Variants in LRRTM4 observed in about 807,000 individuals in gnomAD.
The protein encoded by LRRTM4 is leucine-rich repeat transmembrane neuronal protein 4.
Under a neutral mutation model 47.6 loss-of-function variants are expected in LRRTM4, and 25 were observed. That is an observed-to-expected ratio of 0.53 (90% CI 0.38 to 0.73). The LOEUF (loss-of-function observed/expected upper bound fraction) is 0.73. Among genes scored for constraint, LRRTM4 ranks in the 30% least tolerant of loss-of-function variants. LRRTM4 has a pLI of 0.00. For synonymous variants in LRRTM4, 311 were observed against 269.5 expected, an observed-to-expected ratio of 1.15 and a Z score of -1.51; for missense variants, 638 against 713.4, an observed-to-expected ratio of 0.89 and a Z score of 1.20.
chr2:77,381,970 G>A (rs1309479038), intron 3 of LRRTM4, among the ~76,000 whole-genome samples: 1 of 151,768 alleles, frequency 6.6e-6, no homozygotes, highest in Non-Finnish European at 1.5e-5. Flanking sequence ...TTTTCAATTG[G>A]GATATTAATA....
intron 3 of LRRTM4, among the ~76,000 whole-genome samples, chr2:77,379,983 G>C (rs1672989402): frequency 6.6e-6 from 1 of 151,982 alleles, no homozygotes. Flanking sequence ...CAATAAGAAG[G>C]CATATGTAGC....
intron 3 of LRRTM4, among the ~76,000 whole-genome samples, chr2:76,794,643 T>A (rs1675168325): frequency 6.6e-6 from 1 of 152,200 alleles, no homozygotes; most frequent in Admixed American, 6.5e-5. Flanking sequence ...TCCTAGTATT[T>A]ACATTTTTTT....
At chr2:76,802,663 C>T (rs1156583094) in intron 3 of LRRTM4, among the ~76,000 whole-genome samples, 1 of 151,946 alleles carries the variant, frequency 6.6e-6, no homozygotes, top group South Asian at 2.1e-4. Context: ...ATATCTTGGT[C>T]CAAAAGAACA....
intron 3 of LRRTM4, among the ~76,000 whole-genome samples, chr2:77,177,016 A>C (rs1673216423): frequency 6.6e-6 from 1 of 152,186 alleles, no homozygotes; most frequent in Admixed American, 6.5e-5. Context: ...ACAACCCTCA[A>C]TTCCAGGAAT....
chr2:77,182,632 C>G (rs1673381920), intron 3 of LRRTM4, among the ~76,000 whole-genome samples: 1 of 152,110 alleles, frequency 6.6e-6, no homozygotes, highest in Admixed American at 6.6e-5. Flanking sequence ...CATATGCAAA[C>G]AGGGACAATT....
At chr2:76,950,431 T>A (rs948059685) in intron 3 of LRRTM4, among the ~76,000 whole-genome samples, 1 of 151,944 alleles carries the variant, frequency 6.6e-6, no homozygotes, top group African/African-American at 2.4e-5. Flanking sequence ...GCCTGTACTT[T>A]CCAAACTTTG....
intron 3 of LRRTM4, among the ~76,000 whole-genome samples, chr2:77,378,351 C>G (rs2103785827): frequency 6.6e-6 from 1 of 152,072 alleles, no homozygotes; most frequent in Non-Finnish European, 1.5e-5. Context: ...GTTTGATTTT[C>G]TATCTTTTTC....
chr2:77,481,005 G>C (rs1320399096), intron 3 of LRRTM4, among the ~76,000 whole-genome samples: 2 of 152,102 alleles, frequency 1.3e-5, no homozygotes, highest in Non-Finnish European at 1.5e-5. Context: ...AGATGTTTCA[G>C]ATATGATCTA....
chr2:77,238,678 A>G (rs571729031), intron 3 of LRRTM4, among the ~76,000 whole-genome samples: 2 of 152,222 alleles, frequency 1.3e-5, no homozygotes, highest in South Asian at 2.1e-4. Context: ...AACCAAAGCT[A>G]AAGAGTCAAA....
chr2:77,410,723 G>A (rs1315638401), intron 3 of LRRTM4, among the ~76,000 whole-genome samples: 1 of 152,194 alleles, frequency 6.6e-6, no homozygotes, highest in Non-Finnish European at 1.5e-5. Flanking sequence ...AACCAGGGAT[G>A]TATATTAAAA....
intron 3 of LRRTM4, among the ~76,000 whole-genome samples, chr2:77,021,606 G>C (rs1021542178): frequency 6.6e-6 from 1 of 152,136 alleles, no homozygotes; most frequent in Non-Finnish European, 1.5e-5. Flanking sequence ...ACCACATAGA[G>C]AAAGATCTCC....
chr2:77,281,551 C>T (rs922409821), intron 3 of LRRTM4, among the ~76,000 whole-genome samples: 24 of 151,762 alleles, frequency 1.6e-4, no homozygotes, highest in African/African-American at 5.8e-4. Flanking sequence ...AGAAAATTTC[C>T]TACATGACTT....
chr2:77,401,803 T>TA (rs1345317573), intron 3 of LRRTM4, among the ~76,000 whole-genome samples: 1 of 151,970 alleles, frequency 6.6e-6, no homozygotes, highest in Non-Finnish European at 1.5e-5. Context: ...TTCAAAGACT[T>TA]ACAAAAGTCT....
chr2:76,851,473 A>G (rs540897823), intron 3 of LRRTM4, among the ~76,000 whole-genome samples: 1 of 152,270 alleles, frequency 6.6e-6, no homozygotes, highest in African/African-American at 2.4e-5. Context: ...AGTTACCTAA[A>G]AGATCTAAAG....
At chr2:77,363,549 G>A (rs373751332) in intron 3 of LRRTM4, among the ~76,000 whole-genome samples, 6 of 152,220 alleles carry the variant, frequency 3.9e-5, no homozygotes, top group African/African-American at 9.6e-5. Context: ...TCAGGGCCAC[G>A]CATAATTGCA....
At chr2:76,868,242 A>T (rs1189868205) in intron 3 of LRRTM4, among the ~76,000 whole-genome samples, 2 of 152,186 alleles carry the variant, frequency 1.3e-5, no homozygotes, top group Non-Finnish European at 2.9e-5. Flanking sequence ...AGATTTTTTA[A>T]TATTAATTTT....
At chr2:77,028,871 T>A (rs903183720) in intron 3 of LRRTM4, among the ~76,000 whole-genome samples, 2 of 151,164 alleles carry the variant, frequency 1.3e-5, no homozygotes, top group Non-Finnish European at 2.9e-5. Flanking sequence ...ACATCTCTAC[T>A]AAAAATACAA....
rs774091504 is a variant in LRRTM4, at chr2:77,078,058, C to T, written c.1552-329142G>A. Among the ~76,000 whole-genome samples the T allele has an allele frequency of 4.6e-5, 7 of 152,196 alleles. 1 individual carries two copies. Among genetic ancestry groups the T allele is most frequent in the Non-Finnish European group, 1.0e-4 (7 of 68,040 alleles). ...TGCAGACTTTACTTCCTTTCTGACACAGTTGATCTACTCTTTCTACTGTCT... is the reference window on the plus strand; with the variant it reads ...TGCAGACTTTACTTCCTTTCTGACATAGTTGATCTACTCTTTCTACTGTCT... On this transcript the variant is annotated intron_variant, in intron 3 of 3. Transcript: ENST00000409884.
At chr2:77,398,036 T>A (rs1020939134) in intron 3 of LRRTM4, among the ~76,000 whole-genome samples, 1 of 151,842 alleles carries the variant, frequency 6.6e-6, no homozygotes, top group Non-Finnish European at 1.5e-5. Flanking sequence ...CGTTAGGCTT[T>A]AAGAAAGCCA....
Sources: gnomAD v4.1 joint callset for allele counts (sites outside exome capture counted in the v4.1 genomes callset) on GRCh38, gnomAD v4.1.1 for gene constraint, MANE v1.5 for transcripts, NCBI Gene and HGNC (gene_info 2026-07-23, HGNC 2026-07-21) for gene names.